The following MLIP variants were observed in gnomAD, a reference collection of about 807,000 sequenced individuals.
MLIP encodes the protein muscular LMNA-interacting protein.
In MLIP, 79 loss-of-function variants were observed where a neutral mutation model predicts 84.8. That is an observed-to-expected ratio of 0.93 (90% CI 0.78 to 1.12). MLIP has a LOEUF of 1.12. MLIP is among the 50% of genes most tolerant of loss of function. The pLI is 0.00. For synonymous variants in MLIP, 504 were observed against 463.0 expected, an observed-to-expected ratio of 1.09 and a Z score of -1.14; for missense variants, 1,257 against 1,160.6, an observed-to-expected ratio of 1.08 and a Z score of -1.21.
chr6:54,225,638 A>G (rs1780526247), intron 11 of MLIP, among the ~76,000 whole-genome samples: 1 of 152,208 alleles, frequency 6.6e-6, no homozygotes, highest in South Asian at 2.1e-4. Flanking sequence ...AGATATCTCA[A>G]TTTAGTAGGA....
chr6:54,178,978 A>G (rs977576164), intron 9 of MLIP, among the ~76,000 whole-genome samples: 2 of 152,164 alleles, frequency 1.3e-5, no homozygotes, highest in African/African-American at 2.4e-5. Flanking sequence ...GATCTGTCCA[A>G]TACTAAAATT....
intron 1 of MLIP, among the ~76,000 whole-genome samples, chr6:54,092,501 C>T (rs942560462): frequency 5.3e-5 from 8 of 151,824 alleles, no homozygotes; most frequent in East Asian, 1.9e-4. Context: ...AAAAGTCAGG[C>T]GAGTTTTGCA....
At chr6:54,256,879 A>G (rs563086039) in intron 12 of MLIP, among the ~76,000 whole-genome samples, 85 of 152,290 alleles carry the variant, frequency 5.6e-4, no homozygotes, top group Admixed American at 1.0e-3. Context: ...ATCTACACTT[A>G]CCGTGGGTCT....
intron 5 of MLIP, among the ~76,000 whole-genome samples, chr6:54,152,684 G>A (rs1451732568): frequency 2.6e-5 from 4 of 152,084 alleles, no homozygotes; most frequent in African/African-American, 7.2e-5. Flanking sequence ...TATCAGTCTT[G>A]TGATATATCT....
chr6:54,078,688 TTTC>T (rs1208797438), intron 1 of MLIP, among the ~76,000 whole-genome samples: 7 of 38,838 alleles, frequency 1.8e-4, no homozygotes, highest in Admixed American at 4.9e-4. Context: ...TTTTTCTTTC[TTTC>T]TTTTTTTTTT....
intron 3 of MLIP, among the ~76,000 whole-genome samples, chr6:54,132,714 C>G (rs1771483874): frequency 6.6e-6 from 1 of 152,090 alleles, no homozygotes; most frequent in Non-Finnish European, 1.5e-5. Context: ...GTGCAGGACC[C>G]AGCTGAGACT....
intron 11 of MLIP, among the ~76,000 whole-genome samples, chr6:54,230,156 T>A (rs1051477663): frequency 6.6e-6 from 1 of 152,192 alleles, no homozygotes; most frequent in African/African-American, 2.4e-5. Context: ...GAAGACCTTA[T>A]TCATTCTTTC....
intron 13 of MLIP, among the ~76,000 whole-genome samples, chr6:54,258,779 A>G (rs919970808): frequency 1.3e-5 from 2 of 152,030 alleles, no homozygotes; most frequent in Admixed American, 6.6e-5. Context: ...AGGAAACTAA[A>G]GCTGCAGGAA....
chr6:54,142,886 G>A (rs1296957916), intron 4 of MLIP, among the ~76,000 whole-genome samples: 1 of 151,622 alleles, frequency 6.6e-6, no homozygotes, highest in African/African-American at 2.4e-5. Context: ...AAACATCAGA[G>A]CCACTACGTG....
At chr6:54,198,278 TCTAAGGGTCAAAGTG>T (rs750365572) in intron 10 of MLIP, among the ~76,000 whole-genome samples, 13 of 152,236 alleles carry the variant, frequency 8.5e-5, no homozygotes, top group Middle Eastern at 3.4e-3. Context: ...CAGCCTTCAT[TCTAAGGGTCAAAGTG>T]CTAGCAGACA....
intron 11 of MLIP, chr6:54,203,550 GGTGTTATCTCTCTA>G (rs1288659111): frequency 6.6e-6 from 1 of 151,766 alleles, no homozygotes; most frequent in African/African-American, 2.4e-5. Context: ...ATGGGCAAGT[GGTGTTATCTCTCTA>G]GGCTTCAGTT....
chr6:54,082,434 C>T (rs1767219838), intron 1 of MLIP, among the ~76,000 whole-genome samples: 1 of 152,144 alleles, frequency 6.6e-6, no homozygotes, highest in South Asian at 2.1e-4. Context: ...TGGGTGAAAC[C>T]ACTCCCATGA....
rs1290755546 is a variant in MLIP at position 54,124,759 on chromosome 6, G to C, written c.539G>C (p.Ser180Thr). 6.2e-7 allele frequency: 1 copy of C among 1,614,090 alleles called. No homozygotes were observed. Among genetic ancestry groups the C allele is most frequent in the South Asian group, 1.1e-5 (1 of 91,086 alleles). Reference sequence around the variant, plus strand: ...CCCAAGTCTCTAGCTATCTCGTCCAGTCTGGTCTCTGATGTAGTGCGTCCC... The same window carrying C: ...CCCAAGTCTCTAGCTATCTCGTCCACTCTGGTCTCTGATGTAGTGCGTCCC... ...VRPKSLAISS[S>T]LVSDVVRPKT... is the part of the protein sequence containing the mutation. Residue 180 changes from serine to threonine, a missense_variant, in exon 3 of 14, where the codon AGT (serine) becomes ACT (threonine). Transcript: ENST00000502396.
intron 8 of MLIP, among the ~76,000 whole-genome samples, chr6:54,169,056 G>T (rs1395232584): frequency 6.6e-6 from 1 of 151,668 alleles, no homozygotes; most frequent in African/African-American, 2.4e-5. Flanking sequence ...TGAAGATGGT[G>T]GATAGGAGGT....
At chr6:54,227,371 A>G (rs191969333) in intron 11 of MLIP, among the ~76,000 whole-genome samples, 49 of 152,346 alleles carry the variant, frequency 3.2e-4, no homozygotes, top group African/African-American at 1.2e-3. Flanking sequence ...TGAGATGAGA[A>G]TTTGAGGACT....
At chr6:54,166,954 G>T (rs370029570) in intron 8 of MLIP, among the ~76,000 whole-genome samples, 1 of 151,814 alleles carries the variant, frequency 6.6e-6, no homozygotes, top group Non-Finnish European at 1.5e-5. Flanking sequence ...GCTCAAGGCC[G>T]AAAACTTTGG....
At position 54,115,448 on chromosome 6, in the gene MLIP, G is replaced by A. The variant is rs74585774; in HGVS notation, c.96+3873G>A. Among the ~76,000 whole-genome samples the A allele has an allele frequency of 5.8e-4, 88 of 152,174 alleles. 1 individual carries two copies. The East Asian group carries it at 0.016, about 27-fold the overall frequency. On this transcript the variant is annotated intron_variant, in intron 1 of 13. Transcript: ENST00000502396. ...AAATGTTAGAGTTGGACTACTAGGG[G>A]GATAGTATGGAGCGATAAAAAGTGA...
chr6:54,251,172 G>A (rs1485917297), intron 12 of MLIP, among the ~76,000 whole-genome samples: 1 of 151,738 alleles, frequency 6.6e-6, no homozygotes, highest in East Asian at 1.9e-4. Context: ...AGTTGGAATA[G>A]ATAAATATTT....
rs80112726 is a variant in MLIP, at chr6:54,133,020, G to A, written c.646-3695G>A. 8.0e-3 allele frequency among the ~76,000 whole-genome samples: 1,218 copies of A among 152,270 alleles called. 4 individuals carry two copies. Among genetic ancestry groups the A allele is most frequent in the Non-Finnish European group, 0.014 (958 of 68,020 alleles). ...TAAGTTGATTGGCAAGAGAGGATTG[G>A]CAAGAAACCACAATAGCTAGAATGT... On this transcript the variant is annotated intron_variant, in intron 3 of 13. Coordinates refer to ENST00000502396, the MANE Select transcript of MLIP (RefSeq NM_001281747.2).
Sources: allele counts gnomAD v4.1 joint callset (sites outside exome capture counted in the v4.1 genomes callset), GRCh38; gene constraint gnomAD v4.1.1; transcripts MANE v1.5; gene names NCBI Gene and HGNC (gene_info 2026-07-23, HGNC 2026-07-21).